FRAS1: variants seen among roughly 807,000 people sequenced by gnomAD.
FRAS1 encodes the protein extracellular matrix organizing protein FRAS1.
Under a neutral mutation model 435.2 loss-of-function variants are expected in FRAS1, and 290 were observed. The observed-to-expected ratio is 0.67, with a 90% CI of 0.61 to 0.73. The LOEUF (loss-of-function observed/expected upper bound fraction) is 0.73, where lower values mean the gene tolerates loss of function less well. Ranked by LOEUF, FRAS1 falls within the 30% of genes least tolerant of loss-of-function variation. The probability of loss-of-function intolerance (pLI) is 0.00; values close to 1 mark genes in which losing one functional copy is unlikely to be tolerated. For missense variants in FRAS1, 4,860 were observed against 5,001.5 expected, an observed-to-expected ratio of 0.97 and a Z score of 0.85; for synonymous variants, 1,800 against 1,851.0, an observed-to-expected ratio of 0.97 and a Z score of 0.71.
chr4:78,082,387 A>G (rs1009645464), intron 2 of FRAS1, among the ~76,000 whole-genome samples: 8 of 152,172 alleles, frequency 5.3e-5, no homozygotes, highest in African/African-American at 1.9e-4. Flanking sequence ...AAGCATTTGT[A>G]ATGTTTCCTG....
In FRAS1 at chr4:78,519,381, G is replaced by C; in HGVS notation, c.10440G>C (p.Val3480=). The C allele has an allele frequency of 6.2e-7, 1 of 1,601,492 alleles. No individual in the cohort carries two copies. The highest frequency in any genetic ancestry group is 8.5e-7 in the Non-Finnish European group (1 of 1,175,234). The change falls in exon 67 of 74, where the codon GTG becomes GTC. Residue 3480 remains valine, a synonymous_variant. Coordinates refer to ENST00000512123, the MANE Select transcript of FRAS1 (RefSeq NM_025074.7). ...SFLTVHVPLY[V]SYIYVTAPRG... The stretch of plus-strand genomic sequence containing the variant: ...TGACAGTGCACGTGCCTCTATATGT[G>C]TCCTACATCTATGTGACAGCCCCCA...
At chr4:78,263,124 A>G (rs6533564) in intron 6 of FRAS1, among the ~76,000 whole-genome samples, 143,040 of 152,218 alleles carry the variant, frequency 0.94, 67,718 homozygotes, top group Non-Finnish European at 1. Flanking sequence ...GTGTATGGTA[A>G]CAACAAAAGT....
At chr4:78,185,738 A>G (rs1282403843) in intron 2 of FRAS1, among the ~76,000 whole-genome samples, 2 of 152,234 alleles carry the variant, frequency 1.3e-5, no homozygotes, top group South Asian at 2.1e-4. Flanking sequence ...AACTGTAGAC[A>G]GCTAATAAGT....
chr4:78,252,455 T>A lies in FRAS1; in HGVS notation c.373T>A (p.Cys125Ser). The change falls in exon 5 of 74, where the codon TGT becomes AGT. Residue 125 changes from cysteine (C) to serine (S), a missense_variant. By Grantham distance (112) the Cys-to-Ser change is moderately radical. Transcript: ENST00000512123. ...CTCTTGCAATCATGGGGAAGTCCGATGTACCCCCCAACCATGCCCACCGCT... is the reference window on the plus strand; with the variant it reads ...CTCTTGCAATCATGGGGAAGTCCGAAGTACCCCCCAACCATGCCCACCGCT... ...VCSCNHGEVRCTPQPCPPLSC... is the reference protein window; with the variant it reads ...VCSCNHGEVRSTPQPCPPLSC... The A allele has an allele frequency of 6.2e-7, 1 of 1,613,798 alleles. No homozygotes were observed. Among genetic ancestry groups the A allele is most frequent in the Non-Finnish European group, 8.5e-7 (1 of 1,179,808 alleles).
intron 2 of FRAS1, among the ~76,000 whole-genome samples, chr4:78,166,472 A>G (rs1355417457): frequency 6.6e-6 from 1 of 152,206 alleles, no homozygotes; most frequent in Non-Finnish European, 1.5e-5. Context: ...GAAGACAGAA[A>G]AAGTTATTTT....
In FRAS1 at chr4:78,499,905, C is replaced by T; in HGVS notation, c.9300C>T (p.Val3100=). The T allele has an allele frequency of 6.4e-7, 1 of 1,572,276 alleles. No homozygotes were observed. Among genetic ancestry groups the T allele is most frequent in the Non-Finnish European group, 8.7e-7 (1 of 1,151,770 alleles). The change falls in exon 61 of 74, where the codon GTC becomes GTT. Residue 3100 remains valine, a synonymous_variant. Coordinates refer to ENST00000512123, the MANE Select transcript of FRAS1 (RefSeq NM_025074.7). ...TGGATTATTACCCAAAGAGCCGAGT[C>T]TTGAAGTTCAGTCCCGGTAATTGAA... ...SGVDYYPKSR[V]LKFSPGVDHI... is the part of the protein sequence containing the mutation.
intron 3 of FRAS1, among the ~76,000 whole-genome samples, chr4:78,240,908 T>C (rs149229115): frequency 2.5e-4 from 38 of 151,594 alleles, no homozygotes; most frequent in Non-Finnish European, 4.7e-4. Context: ...CCAAGGAGAG[T>C]AGAAGATGCC....
intron 2 of FRAS1, among the ~76,000 whole-genome samples, chr4:78,172,667 T>C (rs1721606743): frequency 6.6e-6 from 1 of 152,134 alleles, no homozygotes; most frequent in East Asian, 1.9e-4. Flanking sequence ...ATTTTTTTAG[T>C]GCATGAATAA....
chr4:78,513,303 A>T, intron 64 of FRAS1, 89 bp from the exon 65 acceptor site: 1 of 1,346,440 alleles, frequency 7.4e-7, no homozygotes, highest in Non-Finnish European at 1.0e-6. Context: ...CTCATTGGTG[A>T]AGACAAATTA....
chr4:78,287,152 G>C (rs1328212867), intron 14 of FRAS1, among the ~76,000 whole-genome samples: 1 of 152,106 alleles, frequency 6.6e-6, no homozygotes, highest in African/African-American at 2.4e-5. Context: ...TCTGGAGAGA[G>C]AGAGAGTGAG....
At position 78,328,695 on chromosome 4, in the gene FRAS1, T is replaced by A. The variant is rs143320602; in HGVS notation, c.2138-4577T>A. On this transcript the variant is annotated intron_variant, in intron 18 of 73. Coordinates refer to ENST00000512123, the MANE Select transcript of FRAS1 (RefSeq NM_025074.7). ...ATGCCCTAAAAATTTTGAGGGCCCATCTAAAACTTTAATTTGGGAAGATTG... is the reference window on the plus strand; with the variant it reads ...ATGCCCTAAAAATTTTGAGGGCCCAACTAAAACTTTAATTTGGGAAGATTG... Among the ~76,000 whole-genome samples the A allele has an allele frequency of 3.8e-3, 574 of 152,280 alleles. 5 individuals are homozygous for A. The highest frequency in any genetic ancestry group is 0.013 in the African/African-American group (553 of 41,560).
intron 2 of FRAS1, among the ~76,000 whole-genome samples, chr4:78,114,142 T>C (rs1162676077): frequency 6.6e-6 from 1 of 152,118 alleles, no homozygotes; most frequent in Admixed American, 6.6e-5. Context: ...TAGTTGTAGG[T>C]ATGCGGCATT....
At chr4:78,521,387 CAT>C (rs1721381027) in intron 67 of FRAS1, 134 bp from the exon 68 acceptor site, 1 of 595,448 alleles carries the variant, frequency 1.7e-6, no homozygotes. Flanking sequence ...TTTCTATAGA[CAT>C]ATAAATGTTA....
At chr4:78,237,384 G>A in intron 2 of FRAS1, 126 bp from the exon 3 acceptor site, 8 of 632,616 alleles carry the variant, frequency 1.3e-5, no homozygotes, top group South Asian at 1.2e-4. Context: ...AGTACTGTGT[G>A]TGGTGTGCCT....
At chr4:78,311,594 G>C (rs1435201556) in intron 15 of FRAS1, among the ~76,000 whole-genome samples, 1 of 152,206 alleles carries the variant, frequency 6.6e-6, no homozygotes, top group East Asian at 1.9e-4. Flanking sequence ...CCCAGGAGCA[G>C]AATGGCTGGT....
At chr4:78,234,120 T>A (rs1724634498) in intron 2 of FRAS1, among the ~76,000 whole-genome samples, 1 of 152,222 alleles carries the variant, frequency 6.6e-6, no homozygotes, top group Admixed American at 6.5e-5. Context: ...TTTTATTTAA[T>A]CTGTATCCTG....
intron 2 of FRAS1, among the ~76,000 whole-genome samples, chr4:78,185,898 C>G (rs1283237762): frequency 6.6e-6 from 1 of 152,150 alleles, no homozygotes; most frequent in Admixed American, 6.5e-5. Flanking sequence ...ATTCAAAATG[C>G]TTTTGTGGTT....
intron 4 of FRAS1, among the ~76,000 whole-genome samples, chr4:78,252,139 G>A (rs1229169225): frequency 6.6e-6 from 1 of 151,972 alleles, no homozygotes; most frequent in Non-Finnish European, 1.5e-5. Context: ...TTTGTATTTT[G>A]TATTTACAAA....
At chr4:78,450,010 TG>T in intron 44 of FRAS1, 140 bp from the exon 45 acceptor site, 1 of 580,914 alleles carries the variant, frequency 1.7e-6, no homozygotes, top group Non-Finnish European at 2.9e-6. Context: ...TTTATTCAGC[TG>T]GAAACTGAGA....
Sources: allele counts gnomAD v4.1 joint callset (sites outside exome capture counted in the v4.1 genomes callset), GRCh38; gene constraint gnomAD v4.1.1; transcripts MANE v1.5; gene names NCBI Gene and HGNC (gene_info 2026-07-23, HGNC 2026-07-21).